Variants in TRIM71 observed in about 807,000 individuals in gnomAD.
The protein encoded by TRIM71 is tripartite motif containing 71.
In TRIM71, 9 loss-of-function variants were observed where a neutral mutation model predicts 61.2. The ratio of observed to expected loss-of-function variants is 0.15; its 90% CI spans 0.09 to 0.26. The LOEUF (loss-of-function observed/expected upper bound fraction) is 0.26, where lower values mean the gene tolerates loss of function less well. Among genes scored for constraint, TRIM71 ranks in the 10% least tolerant of loss-of-function variants. The pLI, the probability that TRIM71 is intolerant of heterozygous loss-of-function variation, is 1.00. For synonymous variants in TRIM71, 645 were observed against 553.2 expected (o/e 1.17, Z -2.33); for missense variants, 998 against 1,238.7 (o/e 0.81, Z 2.92).
intron 1 of TRIM71, among the ~76,000 whole-genome samples, chr3:32,853,731 G>T (rs1039100155): frequency 4.6e-5 from 7 of 152,206 alleles, no homozygotes; most frequent in Non-Finnish European, 1.0e-4. Context: ...GGGAGGCCTG[G>T]TGCGGTGGCT....
Position 32,890,741 on chromosome 3 carries a change from G to C in TRIM71, c.1537G>C (p.Asp513His). Residue 513 changes from aspartate to histidine, a missense_variant, in exon 4 of 4, where the codon GAT becomes CAT. Transcript: ENST00000383763. The surrounding 1 kb of genome is among the most constrained non-coding windows in gnomAD (Gnocchi z 6.2). ...ASFTVIGYDHDGEPRLSGGDL... is the reference protein window; with the variant it reads ...ASFTVIGYDHHGEPRLSGGDL... Reference sequence around the variant, plus strand: ...CTTCACAGTCATTGGTTATGACCACGATGGTGAGCCCCGCCTCTCAGGAGG... The same window carrying C: ...CTTCACAGTCATTGGTTATGACCACCATGGTGAGCCCCGCCTCTCAGGAGG... The C allele has an allele frequency of 6.2e-7, 1 of 1,614,094 alleles. No homozygotes were observed. Among genetic ancestry groups the C allele is most frequent in the Non-Finnish European group, 8.5e-7 (1 of 1,180,020 alleles).
intron 1 of TRIM71, among the ~76,000 whole-genome samples, chr3:32,844,564 C>G (rs1308589564): frequency 7.2e-5 from 11 of 152,110 alleles, no homozygotes. Context: ...GCCTAGCTAA[C>G]TTTAAAAAAT....
chr3:32,835,212 TCA>T (rs767313841), intron 1 of TRIM71, among the ~76,000 whole-genome samples: 3 of 152,194 alleles, frequency 2.0e-5, no homozygotes, highest in Non-Finnish European at 4.4e-5. Flanking sequence ...TCTGGACAAA[TCA>T]CAGTTTTTGC....
intron 1 of TRIM71, among the ~76,000 whole-genome samples, chr3:32,829,501 G>T (rs762987097): frequency 5.3e-5 from 8 of 152,144 alleles, no homozygotes; most frequent in Non-Finnish European, 1.0e-4. Flanking sequence ...TTAAAGCCAA[G>T]ATATTGTGTG....
At chr3:32,854,533 T>G (rs994706160) in intron 1 of TRIM71, among the ~76,000 whole-genome samples, 2 of 152,236 alleles carry the variant, frequency 1.3e-5, no homozygotes, top group Non-Finnish European at 2.9e-5. Context: ...TTTGATGGAA[T>G]TAGCTGTGTG....
intron 1 of TRIM71, among the ~76,000 whole-genome samples, chr3:32,850,845 CT>C (rs1181176673): frequency 7.9e-5 from 12 of 152,246 alleles, no homozygotes; most frequent in African/African-American, 2.6e-4. Context: ...TGCTCTGCCC[CT>C]AACATGTTGC....
intron 1 of TRIM71, among the ~76,000 whole-genome samples, chr3:32,862,861 G>A (rs544170275): frequency 7.2e-5 from 11 of 152,190 alleles, no homozygotes; most frequent in East Asian, 1.9e-4. Context: ...CTGTGGTGCT[G>A]TAAATCGGGA....
At chr3:32,854,264 G>A (rs911820456) in intron 1 of TRIM71, among the ~76,000 whole-genome samples, 3 of 152,188 alleles carry the variant, frequency 2.0e-5, no homozygotes, top group Admixed American at 6.5e-5. Flanking sequence ...AAAGTGCTGG[G>A]ATTACACACG....
chr3:32,824,232 C>T (rs1398229937), intron 1 of TRIM71, among the ~76,000 whole-genome samples: 1 of 151,996 alleles, frequency 6.6e-6, no homozygotes, highest in Non-Finnish European at 1.5e-5. Flanking sequence ...GGCTGGAGTG[C>T]GGTGGTGCAG....
intron 2 of TRIM71, among the ~76,000 whole-genome samples, chr3:32,881,815 GCA>G (rs1401761197): frequency 2.0e-5 from 3 of 152,214 alleles, no homozygotes; most frequent in Non-Finnish European, 4.4e-5. Flanking sequence ...GTCCTGGTCT[GCA>G]CATCTTGGAA....
chr3:32,818,025 C>CT lies in TRIM71; in HGVS notation c.-56_-55insT. 2.4e-6 allele frequency: 3 copies of CT among 1,260,786 alleles called. No individual in the cohort carries two copies. Among genetic ancestry groups the CT allele is most frequent in the Non-Finnish European group, 3.3e-6 (3 of 899,696 alleles). The allele number at this position is 1,260,786 out of a possible 1,614,324, so 78.1% of individuals were successfully genotyped here. ...CCCCCACCCACCTCGTCCGCTCTCTCCTCCTCCTCCTCCTCTTCCTCTCTG... is the reference window on the plus strand; with the variant it reads ...CCCCCACCCACCTCGTCCGCTCTCTCTCTCCTCCTCCTCCTCTTCCTCTCTG... On this transcript the variant is annotated 5_prime_UTR_variant, in exon 1 of 4. Transcript: ENST00000383763.
rs765871281 is a variant in TRIM71 at position 32,891,433 on chromosome 3, C to G, written c.2229C>G (p.Leu743=). 3.1e-6 allele frequency: 5 copies of G among 1,614,008 alleles called. No individual in the cohort carries two copies. In the Admixed American group the frequency reaches 8.3e-5, roughly 27 times the overall value. The change falls in exon 4 of 4, where the codon CTC becomes CTG. Residue 743 remains leucine (L), a synonymous_variant. Coordinates refer to ENST00000383763, the MANE Select transcript of TRIM71 (RefSeq NM_001039111.3). This position sits in a 1 kb window ranked among gnomAD's most constrained non-coding sequence, Gnocchi z 8.2. ...FLNKYGFEGA[L]WKHFDSPRGV... is the part of the protein sequence containing the mutation. ...ACAAGTATGGCTTCGAGGGGGCTCTCTGGAAGCACTTTGACTCCCCACGGG... is the reference window on the plus strand; with the variant it reads ...ACAAGTATGGCTTCGAGGGGGCTCTGTGGAAGCACTTTGACTCCCCACGGG...
At chr3:32,844,587 G>A (rs143500380) in intron 1 of TRIM71, among the ~76,000 whole-genome samples, 107 of 151,930 alleles carry the variant, frequency 7.0e-4, no homozygotes, top group Admixed American at 2.6e-3. Flanking sequence ...TGTAGAGAGC[G>A]TCTCACCAGT....
intron 2 of TRIM71, among the ~76,000 whole-genome samples, chr3:32,879,604 A>G (rs1263701880): frequency 2.0e-5 from 3 of 151,888 alleles, no homozygotes; most frequent in Admixed American, 6.6e-5. Context: ...CAGAGACAGT[A>G]TGGGCTTTTG....
chr3:32,829,626 T>TTG (rs10524029), intron 1 of TRIM71, among the ~76,000 whole-genome samples: 4,109 of 148,744 alleles, frequency 0.028, 122 homozygotes, highest in African/African-American at 0.076. Flanking sequence ...TGTCATGGTA[T>TTG]TGTGTGTGTG....
intron 1 of TRIM71, among the ~76,000 whole-genome samples, chr3:32,836,408 AAAAT>A (rs1429938148): frequency 2.2e-4 from 33 of 152,208 alleles, no homozygotes; most frequent in African/African-American, 8.0e-4. Flanking sequence ...TTGGGTTAAA[AAAAT>A]TCAATTTGTA....
At chr3:32,878,344 G>A (rs1392332399) in intron 2 of TRIM71, among the ~76,000 whole-genome samples, 4 of 152,148 alleles carry the variant, frequency 2.6e-5, no homozygotes, top group Admixed American at 6.5e-5. Flanking sequence ...GCATGGTGGC[G>A]CAAGCCTGTA....
intron 1 of TRIM71, among the ~76,000 whole-genome samples, chr3:32,868,173 C>T (rs1310145028): frequency 1.3e-5 from 2 of 152,110 alleles, no homozygotes; most frequent in African/African-American, 4.8e-5. Context: ...TGAACTGTGT[C>T]CATACTGACT....
At chr3:32,829,130 A>G (rs1411202743) in intron 1 of TRIM71, among the ~76,000 whole-genome samples, 2 of 151,250 alleles carry the variant, frequency 1.3e-5, no homozygotes, top group African/African-American at 4.9e-5. Flanking sequence ...AGTAGCTGGG[A>G]GTACAGGAGT....
Sources: gnomAD v4.1 joint callset for allele counts (sites outside exome capture counted in the v4.1 genomes callset) on GRCh38, gnomAD v4.1.1 for gene constraint, Gnocchi (gnomAD v3.1) non-coding constraint, MANE v1.5 for transcripts, NCBI Gene and HGNC (gene_info 2026-07-23, HGNC 2026-07-21) for gene names.